The following VPS4A variants were observed in gnomAD, a reference collection of about 807,000 sequenced individuals.
VPS4A encodes vacuolar protein sorting 4 homolog A.
In VPS4A, 20 loss-of-function variants were observed where a neutral mutation model predicts 52.3. The observed-to-expected ratio is 0.38, with a 90% CI of 0.27 to 0.56. VPS4A has a LOEUF of 0.56. VPS4A is among the 20% of genes least tolerant of loss of function. The pLI, the probability that VPS4A is intolerant of heterozygous loss-of-function variation, is 0.72. For missense variants in VPS4A, 419 were observed against 575.9 expected (o/e 0.73, Z 2.79); for synonymous variants, 293 against 227.7 (o/e 1.29, Z -2.58).
intron 1 of VPS4A, 135 bp downstream of exon 1, chr16:69,311,667 T>C: frequency 1.1e-6 from 1 of 936,972 alleles, no homozygotes; most frequent in Non-Finnish European, 1.4e-6. Context: ...GGCCGCCCCC[T>C]CGCCGCTTCC....
Position 69,318,632 on chromosome 16 carries a change from T to TTCCGTC in VPS4A, c.282-14_282-9dup. On this transcript the variant is annotated splice_polypyrimidine_tract_variant and intron_variant, in intron 3 of 10. Transcript: ENST00000254950. The stretch of plus-strand genomic sequence containing the variant: ...CAGGCTGAAGGGCCAGCTTGTGACT[T>TTCCGTC]TCCGTCTCCCTTCCCAGCAGTGACA... 6.3e-7 allele frequency: 1 copy of TTCCGTC among 1,597,952 alleles called. No individual in the cohort carries two copies. Among genetic ancestry groups the TTCCGTC allele is most frequent in the Non-Finnish European group, 8.5e-7 (1 of 1,172,400 alleles).
Position 69,326,465 on chromosome 16 carries a change from A to G in VPS4A, c.*2156A>G, listed in dbSNP as rs1329301659. ...TTTTTAAATTTTTACTTCTAGTTAC[A>G]TTTACTTGAATCAGAACGTTGTTTC... On this transcript the variant is annotated 3_prime_UTR_variant, in exon 11 of 11. Transcript: ENST00000254950. 1.3e-5 allele frequency: 2 copies of G among 152,170 alleles called. No individual in the cohort carries two copies. Among genetic ancestry groups the G allele is most frequent in the African/African-American group, 4.8e-5 (2 of 41,432 alleles). The allele number at this position is 152,170 out of a possible 1,614,324, so 9.4% of individuals were successfully genotyped here.
rs755566234 is a variant in VPS4A at position 69,322,661 on chromosome 16, T to C, written c.1173T>C (p.Asp391=). 4.3e-5 allele frequency: 69 copies of C among 1,613,904 alleles called. 2 individuals are homozygous for C. In the South Asian group the frequency reaches 7.5e-4, roughly 17 times the overall value. The change falls in exon 10 of 11, where the codon GAT becomes GAC. Residue 391 remains aspartate (D), a synonymous_variant. Transcript: ENST00000254950. ...GAGCCATGGAGATGACTTGGATGGATGTCCCTGGGGACAAACTCTTAGAGC... is the reference window on the plus strand; with the variant it reads ...GAGCCATGGAGATGACTTGGATGGACGTCCCTGGGGACAAACTCTTAGAGC... ...DPGAMEMTWM[D]VPGDKLLEPV... is the part of the protein sequence containing the mutation.
intron 5 of VPS4A, 88 bp downstream of exon 5, chr16:69,319,030 A>C (rs1597213070): frequency 6.5e-7 from 1 of 1,549,124 alleles, no homozygotes; most frequent in Non-Finnish European, 8.7e-7. Flanking sequence ...GTCAGTGGCG[A>C]CTCAGCCCCC....
At chr16:69,318,378 G>A (rs1458394768) in intron 3 of VPS4A, among the ~76,000 whole-genome samples, 1 of 152,178 alleles carries the variant, frequency 6.6e-6, no homozygotes, top group Non-Finnish European at 1.5e-5. Context: ...TTTCCCTTAC[G>A]GCCTTCAGGA....
At chr16:69,316,751 G>T (rs905045489) in intron 3 of VPS4A, among the ~76,000 whole-genome samples, 2 of 152,230 alleles carry the variant, frequency 1.3e-5, no homozygotes, top group African/African-American at 4.8e-5. Flanking sequence ...GACGTGGGCA[G>T]TGCCCTTGGA....
Position 69,322,677 on chromosome 16 carries a change from C to G in VPS4A, c.1189C>G (p.Leu397Val), listed in dbSNP as rs769059309. Residue 397 changes from leucine (L) to valine (V), a missense_variant, in exon 10 of 11, where the codon CTC (leucine) becomes GTC (valine). This residue lies in a region of VPS4A where 185 missense variants were observed against 200.2 expected (regional missense o/e 0.92). Coordinates refer to ENST00000254950, the MANE Select transcript of VPS4A (RefSeq NM_013245.3). ...TTGGATGGATGTCCCTGGGGACAAA[C>G]TCTTAGAGCCTGTGGTTTGCATGGT... ...MTWMDVPGDK[L>V]LEPVVCMSDM... 6.2e-7 allele frequency: 1 copy of G among 1,613,692 alleles called. No homozygotes were observed. The highest frequency in any genetic ancestry group is 8.5e-7 in the Non-Finnish European group (1 of 1,179,724).
At chr16:69,318,540 A>G (rs1011479102) in intron 3 of VPS4A, 110 bp from the exon 4 acceptor site, 4 of 1,202,948 alleles carry the variant, frequency 3.3e-6, no homozygotes, top group Admixed American at 2.1e-5. Flanking sequence ...TTAAGCCAGG[A>G]AGGCTTCGTT....
rs1164451667 is a variant in VPS4A, at chr16:69,326,420, C to CA, written c.*2112dup. On this transcript the variant is annotated 3_prime_UTR_variant, in exon 11 of 11. Transcript: ENST00000254950. ...GATATGAACCGTGTCTGCAGAGCTT[C>CA]ACTTTAGTGAGCTTACAAGTTTTTA... 1 of 152,250 alleles carries CA rather than the reference C, an allele frequency of 6.6e-6. No individual in the cohort carries two copies. Among genetic ancestry groups the CA allele is most frequent in the Admixed American group, 6.5e-5 (1 of 15,282 alleles). 9.4% of individuals were successfully genotyped at this position (152,250 alleles called of 1,614,324 possible). A position where few individuals can be genotyped will look rare whatever the true frequency, so the allele number is the denominator to read the frequency against.
chr16:69,315,508 G>C (rs1965425099), intron 1 of VPS4A, among the ~76,000 whole-genome samples: 1 of 152,172 alleles, frequency 6.6e-6, no homozygotes, highest in African/African-American at 2.4e-5. Flanking sequence ...GGAGGAGAGA[G>C]GCCTTTCAGT....
Position 69,321,364 on chromosome 16 carries a change from G to A in VPS4A, c.1071+94G>A. ...CAGCTCCTGGTCCTGCTCCCCGGCT[G>A]CTCAGGTGACACAGTCTCTGAGGCC... On this transcript the variant is annotated intron_variant, in intron 9 of 10. Coordinates refer to ENST00000254950, the MANE Select transcript of VPS4A (RefSeq NM_013245.3). This position sits in a 1 kb window ranked among gnomAD's most constrained non-coding sequence, Gnocchi z 4.5. 5 of 1,391,410 alleles carry A rather than the reference G, an allele frequency of 3.6e-6. No individual in the cohort carries two copies. Among genetic ancestry groups the A allele is most frequent in the Non-Finnish European group, 4.9e-6 (5 of 1,025,668 alleles). 86.2% of individuals were successfully genotyped at this position (1,391,410 alleles called of 1,614,324 possible). A position where few individuals can be genotyped will look rare whatever the true frequency, so the allele number is the denominator to read the frequency against.
chr16:69,324,155 G>A, intron 10 of VPS4A, 53 bp from the exon 11 acceptor site: 2 of 1,576,454 alleles, frequency 1.3e-6, no homozygotes, highest in South Asian at 1.1e-5. Context: ...CTGAGGGGAG[G>A]TTGGGGACCT....
chr16:69,321,307 A>G lies in VPS4A; in HGVS notation c.1071+37A>G. 1 of 1,539,630 alleles carries G rather than the reference A, an allele frequency of 6.5e-7. No homozygotes were observed. Among genetic ancestry groups the G allele is most frequent in the Non-Finnish European group, 8.8e-7 (1 of 1,139,306 alleles). ...CGGCCACTGCTGAGAAAAATCTCAT[A>G]GTAAGAGCGGGATGTTCGGTTTTTT... On this transcript the variant is annotated intron_variant, in intron 9 of 10. Transcript: ENST00000254950. The surrounding 1 kb of genome is among the most constrained non-coding windows in gnomAD (Gnocchi z 4.5).
chr16:69,320,206 T>C lies in VPS4A; in HGVS notation c.686T>C (p.Val229Ala). Residue 229 changes from valine (V) to alanine (A), a missense_variant, in exon 7 of 11, where the codon GTG becomes GCG. Physicochemically the swap from Val to Ala is moderately conservative, Grantham distance 64. Transcript: ENST00000254950. The surrounding 1 kb of genome is among the most constrained non-coding windows in gnomAD (Gnocchi z 4.2). ...HKPSIIFIDE[V>A]DSLCGSRNEN... ...CCCTCCATCATCTTCATCGATGAGGTGGATTCCCTCTGCGGGTCCCGAAAT... is the reference window on the plus strand; with the variant it reads ...CCCTCCATCATCTTCATCGATGAGGCGGATTCCCTCTGCGGGTCCCGAAAT... 1 of 1,613,924 alleles carries C rather than the reference T, an allele frequency of 6.2e-7. No homozygotes were observed. The highest frequency in any genetic ancestry group is 8.5e-7 in the Non-Finnish European group (1 of 1,179,854).
At position 69,324,203 on chromosome 16, in the gene VPS4A, C is replaced by T; in HGVS notation, c.1213-5C>T. On this transcript the variant is annotated splice_polypyrimidine_tract_variant and splice_region_variant and intron_variant, in intron 10 of 10. Transcript: ENST00000254950. ...CTGCTCAGGCACATACTGTTGCCTT[C>T]ACAGTCGGACATGCTGCGGTCTCTG... is the stretch of plus-strand genomic sequence containing the variant. 1.2e-6 allele frequency: 2 copies of T among 1,612,338 alleles called. No homozygotes were observed. The highest frequency in any genetic ancestry group is 1.7e-6 in the Non-Finnish European group (2 of 1,179,290).
In VPS4A at chr16:69,318,955, C is replaced by T; in HGVS notation, c.463+13C>T. The T allele has an allele frequency of 6.2e-7, 1 of 1,608,654 alleles. No homozygotes were observed. Among genetic ancestry groups the T allele is most frequent in the Non-Finnish European group, 8.5e-7 (1 of 1,177,764 alleles). ...CACTTGTTCACAGGTGAGAGTTGAG[C>T]CATTTCAAACCCCAATGTAAAAATT... On this transcript the variant is annotated intron_variant, in intron 5 of 10. Transcript: ENST00000254950.
intron 3 of VPS4A, 37 bp from the exon 4 acceptor site, chr16:69,318,613 G>A (rs1965468078): frequency 1.3e-6 from 2 of 1,583,512 alleles, no homozygotes; most frequent in Non-Finnish European, 1.7e-6. Flanking sequence ...GCTCCAGGCT[G>A]AAGGGCCAGC....
In VPS4A at chr16:69,321,569, A is replaced by C. The variant is rs1965512534; in HGVS notation, c.1071+299A>C. 1 of 417,304 alleles carries C rather than the reference A, an allele frequency of 2.4e-6. No homozygotes were observed. The highest frequency in any genetic ancestry group is 4.4e-6 in the Non-Finnish European group (1 of 226,208). 25.9% of individuals were successfully genotyped at this position (417,304 alleles called of 1,614,324 possible). ...GTGCTCTTGTGCGGGGTGGACACCAAATCAGTGTTTGGAAAGTGTTGGATA... is the reference window on the plus strand; with the variant it reads ...GTGCTCTTGTGCGGGGTGGACACCACATCAGTGTTTGGAAAGTGTTGGATA... On this transcript the variant is annotated intron_variant, in intron 9 of 10. Transcript: ENST00000254950. This position sits in a 1 kb window ranked among gnomAD's most constrained non-coding sequence, Gnocchi z 4.5.
In VPS4A at chr16:69,321,475, TGTGTGAAAGCAGAGGACAGGGCCACTTTA is replaced by T; in HGVS notation, c.1071+206_1071+234del. On this transcript the variant is annotated intron_variant, in intron 9 of 10. Transcript: ENST00000254950. This position sits in a 1 kb window ranked among gnomAD's most constrained non-coding sequence, Gnocchi z 4.5. Reference sequence around the variant, plus strand: ...CTTCTGGAGTGTGGCCATCTCAGGGTGTGTGAAAGCAGAGGACAGGGCCACTTTACTGTCTTAACCCTGCTGCGGCCTCC... The same window carrying T: ...CTTCTGGAGTGTGGCCATCTCAGGGTCTGTCTTAACCCTGCTGCGGCCTCC... 5 of 617,360 alleles carry T rather than the reference TGTGTGAAAGCAGAGGACAGGGCCACTTTA, an allele frequency of 8.1e-6. No individual in the cohort carries two copies. The South Asian group carries it at 9.9e-5, about 12-fold the overall frequency. The allele number at this position is 617,360 out of a possible 1,614,324, so 38.2% of individuals were successfully genotyped here.
Sources: allele counts gnomAD v4.1 joint callset (sites outside exome capture counted in the v4.1 genomes callset), GRCh38; gene constraint gnomAD v4.1.1; regional missense constraint gnomAD v4.1.1; non-coding constraint Gnocchi (gnomAD v3.1); transcripts MANE v1.5; gene names NCBI Gene and HGNC (gene_info 2026-07-23, HGNC 2026-07-21).